The following ANLN variants were observed in gnomAD, a reference collection of about 807,000 sequenced individuals.
ANLN encodes anillin, actin binding protein.
Under a neutral mutation model 135.1 loss-of-function variants are expected in ANLN, and 59 were observed. The ratio of observed to expected loss-of-function variants is 0.44; its 90% confidence interval spans 0.35 to 0.54. The LOEUF is 0.54. Among genes scored for constraint, ANLN ranks in the 20% least tolerant of loss-of-function variants. The pLI is 0.00. For missense variants in ANLN, 1,182 were observed against 1,340.0 expected (o/e 0.88, Z 1.84); for synonymous variants, 406 against 456.4 (o/e 0.89, Z 1.41).
chr7:36,396,179 T>C (rs755853640), intron 1 of ANLN, 87 bp from the exon 2 acceptor site: 1 of 1,170,956 alleles, frequency 8.5e-7, no homozygotes, highest in Non-Finnish European at 1.2e-6. Flanking sequence ...TCATCCTGTA[T>C]GGCAATTGGT....
chr7:36,410,796 G>A, intron 6 of ANLN, 92 bp downstream of exon 6: 1 of 1,292,902 alleles, frequency 7.7e-7, no homozygotes, highest in South Asian at 1.5e-5. Context: ...CTTTTTGACT[G>A]AGATAAGTAG....
At chr7:36,399,050 A>C (rs1197501253) in intron 2 of ANLN, 29 bp from the exon 3 acceptor site, 2 of 1,552,408 alleles carry the variant, frequency 1.3e-6, no homozygotes, top group African/African-American at 2.8e-5. Flanking sequence ...TACAAATTTG[A>C]ATGTCTTTTT....
intron 3 of ANLN, among the ~76,000 whole-genome samples, chr7:36,403,054 T>C (rs952265184): frequency 6.6e-6 from 1 of 151,808 alleles, no homozygotes; most frequent in Admixed American, 6.6e-5. Flanking sequence ...GAGGCGGAGG[T>C]TGCAGTGAGC....
In ANLN at chr7:36,415,764, C is replaced by T. The variant is rs760132586; in HGVS notation, c.1402C>T (p.His468Tyr). ...SKQLETKQETHCQSTPLKKHQ... is the reference protein window; with the variant it reads ...SKQLETKQETYCQSTPLKKHQ... ...TTTCATTCGCTTTTTGCAGGAAACT[C>T]ACTGTCAGAGCACTCCCCTCAAAAA... The change falls in exon 8 of 24, where the codon CAC becomes TAC. Residue 468 changes from histidine (H) to tyrosine (Y), a missense_variant. This residue lies in a region of ANLN where 1,022 missense variants were observed against 1,134.0 expected (regional missense o/e 0.90). Coordinates refer to ENST00000265748, the MANE Select transcript of ANLN (RefSeq NM_018685.5). 7.0e-6 allele frequency: 11 copies of T among 1,582,382 alleles called. No homozygotes were observed. The South Asian group carries it at 9.5e-5, about 14-fold the overall frequency.
rs1191679761 is a variant in ANLN, at chr7:36,452,992, A to G, written c.*392A>G. ...CAGAAACCCATTCTCCAATCTCAGT[A>G]GTTTTTTCGAAAGGCTGTGATCATT... On this transcript the variant is annotated 3_prime_UTR_variant, in exon 24 of 24. Coordinates refer to ENST00000265748, the MANE Select transcript of ANLN (RefSeq NM_018685.5). The G allele has an allele frequency of 6.3e-6, 1 of 158,080 alleles. No homozygotes were observed. Among genetic ancestry groups the G allele is most frequent in the African/African-American group, 2.4e-5 (1 of 41,514 alleles). The allele number at this position is 158,080 out of a possible 1,614,324, so 9.8% of individuals were successfully genotyped here. A position where few individuals can be genotyped will look rare whatever the true frequency, so the allele number is the denominator to read the frequency against.
intron 7 of ANLN, among the ~76,000 whole-genome samples, chr7:36,412,021 T>A (rs2116608850): frequency 6.6e-6 from 1 of 152,214 alleles, no homozygotes; most frequent in African/African-American, 2.4e-5. Flanking sequence ...TTGTAGTCTC[T>A]GTCTTCTCTT....
intron 2 of ANLN, among the ~76,000 whole-genome samples, chr7:36,396,933 A>G (rs1052099287): frequency 6.6e-6 from 1 of 152,162 alleles, no homozygotes; most frequent in African/African-American, 2.4e-5. Flanking sequence ...AAACACAAGC[A>G]CACACACACA....
chr7:36,439,170 T>C (rs1358314304), intron 20 of ANLN, 34 bp from the exon 21 acceptor site: 1 of 1,205,306 alleles, frequency 8.3e-7, no homozygotes, highest in Admixed American at 1.8e-5. Context: ...ACTTTGAACC[T>C]GTTTTGCAAA....
intron 20 of ANLN, among the ~76,000 whole-genome samples, chr7:36,437,251 A>G (rs1788583484): frequency 6.6e-6 from 1 of 152,212 alleles, no homozygotes; most frequent in South Asian, 2.1e-4. Context: ...GATAAGGTCA[A>G]ATGTAGATAC....
At chr7:36,419,521 C>A in intron 10 of ANLN, 42 bp downstream of exon 10, 1 of 1,525,642 alleles carries the variant, frequency 6.6e-7, no homozygotes, top group Non-Finnish European at 9.0e-7. Context: ...CATAAGTAAA[C>A]TAAGTAGTAT....
At chr7:36,440,201 G>T (rs905275098) in intron 21 of ANLN, among the ~76,000 whole-genome samples, 1 of 152,222 alleles carries the variant, frequency 6.6e-6, no homozygotes, top group African/African-American at 2.4e-5. Context: ...GCAAGTGAGG[G>T]AAGCAGAGCC....
At position 36,402,332 on chromosome 7, in the gene ANLN, C is replaced by T. The variant is rs11533902; in HGVS notation, c.487+2939C>T. Among the ~76,000 whole-genome samples the T allele has an allele frequency of 4.0e-4, 21 of 53,066 alleles. 2 individuals are homozygous for T. Among genetic ancestry groups the T allele is most frequent in the South Asian group, 6.8e-4 (2 of 2,932 alleles). The allele number at this position is 53,066 out of a possible 152,430, so 34.8% of individuals were successfully genotyped here. A position where few individuals can be genotyped will look rare whatever the true frequency, so the allele number is the denominator to read the frequency against. ...TTCACCATGTTGGCCAGGCTGGTCT[C>T]AAACTCCTGACCTCAGGTGATCCAC... On this transcript the variant is annotated intron_variant, in intron 3 of 23. Transcript: ENST00000265748.
chr7:36,423,789 T>C (rs750115271), intron 14 of ANLN, 28 bp from the exon 15 acceptor site: 11 of 1,589,838 alleles, frequency 6.9e-6, no homozygotes, highest in Non-Finnish European at 8.6e-6. Context: ...TGCTTGTGCT[T>C]ACTATGTAAT....
chr7:36,444,542 AG>A (rs1319790553), intron 22 of ANLN, among the ~76,000 whole-genome samples: 2 of 152,122 alleles, frequency 1.3e-5, no homozygotes, highest in Non-Finnish European at 2.9e-5. Context: ...CCACAGGAAC[AG>A]TGGTTTGTAT....
rs780268023 is a variant in ANLN at position 36,424,673 on chromosome 7, G to A, written c.2653-13G>A. On this transcript the variant is annotated splice_polypyrimidine_tract_variant and intron_variant, in intron 16 of 23. Coordinates refer to ENST00000265748, the MANE Select transcript of ANLN (RefSeq NM_018685.5). ...CAGATTATAAATTAATTATGCTTTG[G>A]GTTTGTGCGTAGGTGCAAAAGAAAG... The A allele has an allele frequency of 8.7e-6, 14 of 1,609,592 alleles. No homozygotes were observed. In the South Asian group the frequency reaches 1.6e-4, roughly 18 times the overall value.
At chr7:36,441,986 C>T (rs1788793017) in intron 21 of ANLN, among the ~76,000 whole-genome samples, 2 of 152,130 alleles carry the variant, frequency 1.3e-5, no homozygotes, top group South Asian at 4.1e-4. Flanking sequence ...GGCAGGAGAG[C>T]ATATGGTTGG....
Position 36,423,898 on chromosome 7 carries a change from ACT to A in ANLN, c.2563_2564del (p.Leu855Ter), listed in dbSNP as rs1787978748. 6.2e-7 allele frequency: 1 copy of A among 1,612,500 alleles called. No individual in the cohort carries two copies. The highest frequency in any genetic ancestry group is 8.5e-7 in the Non-Finnish European group (1 of 1,179,238). On this transcript the variant is annotated frameshift_variant, in exon 15 of 24. Coordinates refer to ENST00000265748, the MANE Select transcript of ANLN (RefSeq NM_018685.5). LOFTEE classifies it high-confidence loss of function. ...GCCACACCATTAGCAAGTACTTCAA[ACT>A]CTCTTAACGGTGATGCTCTGACATT...
At position 36,444,498 on chromosome 7, in the gene ANLN, TGTTA is replaced by T. The variant is rs762151586; in HGVS notation, c.3078+642_3078+645del. ...ATGTTTTAAATTTAATTTTTTATCT[TGTTA>T]GTTAGGGTAAAACAGTAATGGAAAC... On this transcript the variant is annotated intron_variant, in intron 22 of 23. Coordinates refer to ENST00000265748, the MANE Select transcript of ANLN (RefSeq NM_018685.5). 9.3e-4 allele frequency among the ~76,000 whole-genome samples: 141 copies of T among 152,278 alleles called. 1 individual carries two copies. Among genetic ancestry groups the T allele is most frequent in the Middle Eastern group, 3.4e-3 (1 of 294 alleles).
At position 36,453,248 on chromosome 7, in the gene ANLN, C is replaced by T. The variant is rs1468897502; in HGVS notation, c.*648C>T. 1 of 152,170 alleles carries T rather than the reference C, an allele frequency of 6.6e-6. No homozygotes were observed. Among genetic ancestry groups the T allele is most frequent in the African/African-American group, 2.4e-5 (1 of 41,426 alleles). The allele number at this position is 152,170 out of a possible 1,614,324, so 9.4% of individuals were successfully genotyped here. A position where few individuals can be genotyped will look rare whatever the true frequency, so the allele number is the denominator to read the frequency against. On this transcript the variant is annotated 3_prime_UTR_variant, in exon 24 of 24. Transcript: ENST00000265748. ...AATAAGCACATGGTTTACATTTACTCAGCTACTATATATGCAGTGTGGTGC... is the reference window on the plus strand; with the variant it reads ...AATAAGCACATGGTTTACATTTACTTAGCTACTATATATGCAGTGTGGTGC...
Sources: gnomAD v4.1 joint callset for allele counts (sites outside exome capture counted in the v4.1 genomes callset) on GRCh38, gnomAD v4.1.1 for gene constraint, gnomAD v4.1.1 regional missense constraint, MANE v1.5 for transcripts, NCBI Gene and HGNC (gene_info 2026-07-23, HGNC 2026-07-21) for gene names.